Variants in CNST observed in about 807,000 individuals in gnomAD.
The protein encoded by CNST is consortin.
Under a neutral mutation model 72.4 loss-of-function variants are expected in CNST, and 39 were observed. The ratio of observed to expected loss-of-function variants is 0.54; its 90% CI spans 0.42 to 0.70. CNST has a LOEUF of 0.70. Among genes scored for constraint, CNST ranks in the 30% least tolerant of loss-of-function variants. The pLI, the probability that CNST is intolerant of heterozygous loss-of-function variation, is 0.00. For missense variants in CNST, 871 were observed against 868.5 expected (o/e 1.00, Z -0.04); for synonymous variants, 332 against 320.1 (o/e 1.04, Z -0.40).
intron 1 of CNST, among the ~76,000 whole-genome samples, chr1:246,587,243 C>T (rs1661254731): frequency 6.6e-6 from 1 of 152,156 alleles, no homozygotes; most frequent in Admixed American, 6.5e-5. Context: ...ACACTACAGG[C>T]CACACCACTG....
At chr1:246,602,961 AAAAG>A (rs981800245) in intron 2 of CNST, among the ~76,000 whole-genome samples, 12 of 152,098 alleles carry the variant, frequency 7.9e-5, no homozygotes, top group African/African-American at 2.7e-4. Context: ...GAGAAGGTGA[AAAAG>A]AAAAGAATTA....
rs765762569 is a variant in CNST at position 246,631,934 on chromosome 1, T to C, written c.616+10T>C. ...TTCCAGGAGGAGGACTGTATCCTTT[T>C]CTTAATTACAGGAAGAAATTTTTAG... On this transcript the variant is annotated intron_variant, in intron 4 of 10. Coordinates refer to ENST00000366513, the MANE Select transcript of CNST (RefSeq NM_152609.3). The C allele has an allele frequency of 2.0e-6, 3 of 1,511,226 alleles. No homozygotes were observed. Among genetic ancestry groups the C allele is most frequent in the South Asian group, 2.4e-5 (2 of 82,680 alleles). 93.6% of individuals were successfully genotyped at this position (1,511,226 alleles called of 1,614,324 possible).
chr1:246,613,229 T>TACTATCTC (rs1379227000), intron 2 of CNST, among the ~76,000 whole-genome samples: 1 of 152,200 alleles, frequency 6.6e-6, no homozygotes, highest in African/African-American at 2.4e-5. Flanking sequence ...GGTTAAGCTA[T>TACTATCTC]ACTATCTCAC....
At chr1:246,613,015 A>G (rs766264511) in intron 2 of CNST, among the ~76,000 whole-genome samples, 45 of 152,296 alleles carry the variant, frequency 3.0e-4, no homozygotes, top group Non-Finnish European at 5.3e-4. Flanking sequence ...ACTGTGGTAC[A>G]TGCTTTATGT....
intron 3 of CNST, among the ~76,000 whole-genome samples, chr1:246,628,868 C>T (rs1257584790): frequency 3.9e-5 from 6 of 152,216 alleles, no homozygotes; most frequent in African/African-American, 1.2e-4. Flanking sequence ...GATCACCTTA[C>T]ACCTGTTGCC....
chr1:246,659,250 C>G (rs1026490062), intron 9 of CNST, among the ~76,000 whole-genome samples: 3 of 152,204 alleles, frequency 2.0e-5, no homozygotes, highest in Admixed American at 1.3e-4. Context: ...GTAGGCAGCA[C>G]TGGCCTTTGG....
chr1:246,647,198 C>G lies in CNST; in HGVS notation c.997C>G (p.Leu333Val). Residue 333 changes from leucine to valine, a missense_variant, in exon 9 of 11, where the codon CTG becomes GTG. By Grantham distance (32) the Leu-to-Val change is conservative. Transcript: ENST00000366513. ...SKESQHTVEP[L>V]GSSPCCHQMD... is the part of the protein sequence containing the mutation. Reference sequence around the variant, plus strand: ...AGAAAGCCAACATACAGTGGAGCCCCTGGGGAGCAGTCCCTGCTGTCATCA... The same window carrying G: ...AGAAAGCCAACATACAGTGGAGCCCGTGGGGAGCAGTCCCTGCTGTCATCA... The G allele has an allele frequency of 6.2e-7, 1 of 1,614,156 alleles. No homozygotes were observed. Among genetic ancestry groups the G allele is most frequent in the Non-Finnish European group, 8.5e-7 (1 of 1,180,016 alleles).
chr1:246,655,017 G>A (rs1666694924), intron 9 of CNST, among the ~76,000 whole-genome samples: 1 of 152,146 alleles, frequency 6.6e-6, no homozygotes, highest in African/African-American at 2.4e-5. Flanking sequence ...ATTTCAGCAA[G>A]GTCAGGGGAT....
chr1:246,588,897 G>GT (rs1389125545), intron 1 of CNST, among the ~76,000 whole-genome samples: 3 of 152,010 alleles, frequency 2.0e-5, no homozygotes, highest in African/African-American at 7.2e-5. Flanking sequence ...ACATACTTGA[G>GT]TTTTTCAGTA....
intron 3 of CNST, among the ~76,000 whole-genome samples, chr1:246,631,380 G>T (rs1664765826): frequency 6.6e-6 from 1 of 152,200 alleles, no homozygotes; most frequent in Non-Finnish European, 1.5e-5. Flanking sequence ...AGTGTCCTGT[G>T]AGGTCCTCAG....
intron 9 of CNST, among the ~76,000 whole-genome samples, chr1:246,653,400 A>G (rs1163291585): frequency 6.6e-6 from 1 of 152,238 alleles, no homozygotes; most frequent in Non-Finnish European, 1.5e-5. Context: ...TAGCTGCTCT[A>G]TGGATCCGGA....
intron 2 of CNST, among the ~76,000 whole-genome samples, chr1:246,593,721 T>C (rs1285159289): frequency 1.3e-5 from 2 of 152,122 alleles, no homozygotes; most frequent in Non-Finnish European, 2.9e-5. Flanking sequence ...TCTATAACTA[T>C]CATTCAAGGG....
At chr1:246,600,443 T>A (rs935331559) in intron 2 of CNST, among the ~76,000 whole-genome samples, 1 of 152,150 alleles carries the variant, frequency 6.6e-6, no homozygotes, top group African/African-American at 2.4e-5. Flanking sequence ...AATACAGAGT[T>A]AAGGGGTTTT....
At chr1:246,589,871 A>T (rs893334865) in intron 1 of CNST, among the ~76,000 whole-genome samples, 1 of 152,116 alleles carries the variant, frequency 6.6e-6, no homozygotes, top group Non-Finnish European at 1.5e-5. Context: ...GCCAGTGATG[A>T]TGAGCATTTT....
chr1:246,590,772 A>C (rs2103024586), intron 1 of CNST, among the ~76,000 whole-genome samples: 1 of 152,128 alleles, frequency 6.6e-6, no homozygotes, highest in Middle Eastern at 3.4e-3. Context: ...CTGTTTTGTA[A>C]ATTTTAAAAA....
intron 9 of CNST, 144 bp downstream of exon 9, chr1:246,648,181 G>T: frequency 7.0e-7 from 1 of 1,421,156 alleles, no homozygotes; most frequent in Non-Finnish European, 9.2e-7. Flanking sequence ...TTAATTATTA[G>T]TAGTTTTTAC....
intron 10 of CNST, among the ~76,000 whole-genome samples, chr1:246,663,567 C>G (rs1667229428): frequency 6.6e-6 from 1 of 151,832 alleles, no homozygotes; most frequent in Non-Finnish European, 1.5e-5. Context: ...ATGGTGAAAC[C>G]CCATCTCTAT....
intron 2 of CNST, among the ~76,000 whole-genome samples, chr1:246,603,197 T>G (rs985958079): frequency 6.6e-6 from 1 of 152,192 alleles, no homozygotes; most frequent in African/African-American, 2.4e-5. Context: ...TTTTTAGATA[T>G]AAGCATATAG....
chr1:246,566,688 A>T (rs3795474), intron 1 of CNST, 25 bp downstream of exon 1: 1 of 400,116 alleles, frequency 2.5e-6, no homozygotes, highest in Non-Finnish European at 4.4e-6. Context: ...AGCGGGATGC[A>T]GGGGACCCGC....
Sources: allele counts gnomAD v4.1 joint callset (sites outside exome capture counted in the v4.1 genomes callset), GRCh38; gene constraint gnomAD v4.1.1; transcripts MANE v1.5; gene names NCBI Gene and HGNC (gene_info 2026-07-23, HGNC 2026-07-21).